The following HDAC9 variants were observed in gnomAD, a reference collection of about 807,000 sequenced individuals.
HDAC9 encodes the protein MEF-2 interacting transcription repressor (MITR) protein.
A neutral mutation model predicts 139.4 loss-of-function variants in HDAC9; 41 were observed. The observed-to-expected ratio is 0.29, with a 90% confidence interval of 0.23 to 0.38. HDAC9 has a LOEUF of 0.38. Among genes scored for constraint, HDAC9 ranks in the 10% least tolerant of loss-of-function variants. HDAC9 has a pLI of 1.00. For synonymous variants in HDAC9, 517 were observed against 476.2 expected (o/e 1.09, Z -1.12); for missense variants, 1,147 against 1,297.0 (o/e 0.88, Z 1.78).
At chr7:18,559,173 A>G (rs1819790731) in intron 2 of HDAC9, among the ~76,000 whole-genome samples, 1 of 152,184 alleles carries the variant, frequency 6.6e-6, no homozygotes, top group South Asian at 2.1e-4. Context: ...CACCTCCAGA[A>G]TATTCCTTCT....
intron 2 of HDAC9, among the ~76,000 whole-genome samples, chr7:18,515,186 A>G (rs900058652): frequency 6.6e-6 from 1 of 152,220 alleles, no homozygotes; most frequent in Non-Finnish European, 1.5e-5. Flanking sequence ...CCAAAGCTAC[A>G]TGTTGCAATC....
At chr7:18,325,758 G>A (rs1264820859) in intron 1 of HDAC9, among the ~76,000 whole-genome samples, 3 of 152,032 alleles carry the variant, frequency 2.0e-5, no homozygotes, top group African/African-American at 7.2e-5. Flanking sequence ...CCATATATAT[G>A]ATTATAATAT....
intron 21 of HDAC9, among the ~76,000 whole-genome samples, chr7:18,861,577 A>G (rs745319905): frequency 6.6e-6 from 1 of 152,172 alleles, no homozygotes; most frequent in Non-Finnish European, 1.5e-5. Flanking sequence ...TCCCAAAGTC[A>G]GGAAGAGATA....
chr7:18,869,147 G>GGTGTGTGTGTGTGTGTGTGTGT (rs58034239), intron 21 of HDAC9, among the ~76,000 whole-genome samples: 43 of 138,222 alleles, frequency 3.1e-4, no homozygotes, highest in African/African-American at 1.1e-3. Flanking sequence ...TCACAATTGG[G>GGTGTGTGTGTGTGTGTGTGTGT]GTGTGTGTGT....
At chr7:18,350,611 T>C (rs897480671) in intron 1 of HDAC9, among the ~76,000 whole-genome samples, 1 of 152,184 alleles carries the variant, frequency 6.6e-6, no homozygotes, top group Non-Finnish European at 1.5e-5. Context: ...ATTTATACAT[T>C]TGTTCTATGA....
intron 1 of HDAC9, among the ~76,000 whole-genome samples, chr7:18,126,442 A>T (rs898717187): frequency 1.3e-5 from 2 of 152,156 alleles, no homozygotes; most frequent in African/African-American, 4.8e-5. Context: ...CTTTCCTGCA[A>T]ATCAAGTGTT....
intron 2 of HDAC9, among the ~76,000 whole-genome samples, chr7:18,552,703 C>T (rs535773911): frequency 2.0e-5 from 3 of 152,280 alleles, no homozygotes; most frequent in African/African-American, 7.2e-5. Flanking sequence ...TGTATATTTT[C>T]CTTACTGCAG....
intron 5 of HDAC9, 23 bp downstream of exon 5, chr7:18,591,665 T>G: frequency 6.2e-7 from 1 of 1,610,784 alleles, no homozygotes; most frequent in East Asian, 2.2e-5. Flanking sequence ...TTTGGCTGTT[T>G]TCATTCCTGG....
chr7:18,575,991 A>G (rs1031465178), intron 2 of HDAC9, among the ~76,000 whole-genome samples: 1 of 152,214 alleles, frequency 6.6e-6, no homozygotes, highest in South Asian at 2.1e-4. Flanking sequence ...GAGAAATTTA[A>G]TGGGAAAATT....
rs922370669 is a variant in HDAC9, at chr7:18,849,357, A to T, written c.2684+13360A>T. 3.3e-4 allele frequency among the ~76,000 whole-genome samples: 51 copies of T among 152,314 alleles called. 1 individual carries two copies. Among genetic ancestry groups the T allele is most frequent in the African/African-American group, 1.2e-3 (48 of 41,580 alleles). ...AGAAACAGAATTAACAAGAGAGGGA[A>T]AAGAGTGTCAGTTTCCTTTGCTATG... is the stretch of plus-strand genomic sequence containing the variant. On this transcript the variant is annotated intron_variant, in intron 21 of 25. Transcript: ENST00000686413.
In HDAC9 at chr7:19,000,363, C is replaced by T. The variant is rs1786691978; in HGVS notation, c.*4301C>T. The T allele has an allele frequency of 1.3e-5, 2 of 152,144 alleles. No individual in the cohort carries two copies. Among genetic ancestry groups the T allele is most frequent in the South Asian group, 2.1e-4 (1 of 4,830 alleles). 9.4% of individuals were successfully genotyped at this position (152,144 alleles called of 1,614,324 possible). Reference sequence around the variant, plus strand: ...CATATTTGCATCAAAAATCACAGTCCTTGCCTCCTTGCTTGCTTTTACTCC... The same window carrying T: ...CATATTTGCATCAAAAATCACAGTCTTTGCCTCCTTGCTTGCTTTTACTCC... On this transcript the variant is annotated 3_prime_UTR_variant, in exon 26 of 26. Transcript: ENST00000686413.
chr7:18,427,678 T>G (rs1037187128), intron 1 of HDAC9, among the ~76,000 whole-genome samples: 1 of 151,562 alleles, frequency 6.6e-6, no homozygotes, highest in African/African-American at 2.4e-5. Flanking sequence ...TCGCCCACCC[T>G]GGACACAGTT....
At chr7:18,731,777 C>G (rs1786072225) in intron 13 of HDAC9, among the ~76,000 whole-genome samples, 1 of 152,052 alleles carries the variant, frequency 6.6e-6, no homozygotes, top group African/African-American at 2.4e-5. Context: ...AGTCATGCAC[C>G]ACCACACCCA....
chr7:18,119,446 A>T (rs1204325920), intron 1 of HDAC9, among the ~76,000 whole-genome samples: 1 of 152,208 alleles, frequency 6.6e-6, no homozygotes, highest in East Asian at 1.9e-4. Flanking sequence ...GTTATGGCAC[A>T]GTAGAGAGAC....
chr7:18,308,076 A>T (rs1183108003), intron 1 of HDAC9, among the ~76,000 whole-genome samples: 1 of 152,182 alleles, frequency 6.6e-6, no homozygotes, highest in African/African-American at 2.4e-5. Context: ...CAAATATAAA[A>T]ATACATGTTT....
intron 21 of HDAC9, among the ~76,000 whole-genome samples, chr7:18,866,342 AT>A (rs1318812604): frequency 6.6e-6 from 1 of 151,932 alleles, no homozygotes; most frequent in South Asian, 2.1e-4. Flanking sequence ...TTACTTGTTT[AT>A]TTATATAGTG....
At chr7:18,457,553 G>T (rs1174652156) in intron 1 of HDAC9, among the ~76,000 whole-genome samples, 1 of 152,066 alleles carries the variant, frequency 6.6e-6, no homozygotes, top group Non-Finnish European at 1.5e-5. Flanking sequence ...CTGATTAGTT[G>T]CTGTCTGCCC....
chr7:18,451,389 GTGTGTGTGTGTGTA>G (rs1457995796), intron 1 of HDAC9, among the ~76,000 whole-genome samples: 5 of 139,806 alleles, frequency 3.6e-5, no homozygotes, highest in Non-Finnish European at 6.3e-5. Context: ...GTGTGTGTGT[GTGTGTGTGTGTGTA>G]TATATGTGTG....
intron 6 of HDAC9, among the ~76,000 whole-genome samples, chr7:18,604,684 C>G (rs182864691): frequency 6.6e-6 from 1 of 152,170 alleles, no homozygotes; most frequent in Admixed American, 6.5e-5. Context: ...CAGGCGTGAG[C>G]CACCGCGCCC....
Sources: allele counts gnomAD v4.1 joint callset (sites outside exome capture counted in the v4.1 genomes callset), GRCh38; gene constraint gnomAD v4.1.1; transcripts MANE v1.5; gene names NCBI Gene and HGNC (gene_info 2026-07-23, HGNC 2026-07-21).